Variants in DAGLB observed in about 807,000 individuals in gnomAD.
DAGLB encodes the protein diacylglycerol lipase beta.
Under a neutral mutation model 72.1 loss-of-function variants are expected in DAGLB, and 66 were observed. The observed-to-expected ratio is 0.92, with a 90% CI of 0.75 to 1.12. The LOEUF is 1.12. DAGLB is among the 50% of genes most tolerant of loss of function. The pLI is 0.00. For missense variants in DAGLB, 1,065 were observed against 884.9 expected (o/e 1.20, Z -2.58); for synonymous variants, 414 against 359.5 (o/e 1.15, Z -1.71).
At chr7:6,412,718 C>T in intron 13 of DAGLB, 93 bp downstream of exon 13, 1 of 1,370,170 alleles carries the variant, frequency 7.3e-7, no homozygotes, top group Non-Finnish European at 1.0e-6. Context: ...ATAGAGTGCC[C>T]TGCACTGAGG....
chr7:6,427,622 T>A (rs571960695), intron 6 of DAGLB, among the ~76,000 whole-genome samples: 2 of 152,108 alleles, frequency 1.3e-5, no homozygotes. Flanking sequence ...AATCTCATGA[T>A]CTTTAAAATA....
intron 1 of DAGLB, 118 bp downstream of exon 1, chr7:6,447,630 G>C: frequency 7.3e-7 from 1 of 1,374,334 alleles, no homozygotes; most frequent in South Asian, 1.5e-5. Flanking sequence ...AGGATGCGTG[G>C]CCAGCGCTGG....
In DAGLB at chr7:6,410,247, C is replaced by A. The variant is rs369940779; in HGVS notation, c.1703G>T (p.Arg568Leu). Reference sequence around the variant, plus strand: ...GGAGAAGCTGTAGGCCGGGGACCAGCGCGTCAGTAGGCTCTGCTCCCCCAG... The same window carrying A: ...GGAGAAGCTGTAGGCCGGGGACCAGAGCGTCAGTAGGCTCTGCTCCCCCAG... ...PLLGEQSLLT[R>L]WSPAYSFSSD... The change falls in exon 14 of 15, where the codon CGC (arginine) becomes CTC (leucine). Residue 568 changes from arginine to leucine, a missense_variant. Coordinates refer to ENST00000297056, the MANE Select transcript of DAGLB (RefSeq NM_139179.4). The A allele has an allele frequency of 6.2e-7, 1 of 1,612,860 alleles. No homozygotes were observed. The highest frequency in any genetic ancestry group is 8.5e-7 in the Non-Finnish European group (1 of 1,179,524).
At chr7:6,434,646 C>A in intron 4 of DAGLB, 116 bp downstream of exon 4, 1 of 1,523,732 alleles carries the variant, frequency 6.6e-7, no homozygotes, top group Non-Finnish European at 8.9e-7. Context: ...CCACCCCCCA[C>A]ACACCCAAAG....
chr7:6,446,211 GT>G, intron 1 of DAGLB, 107 bp from the exon 2 acceptor site: 1 of 1,146,368 alleles, frequency 8.7e-7, no homozygotes, highest in East Asian at 2.9e-5. Flanking sequence ...GCTCACACCT[GT>G]AATCACAGCA....
rs755335783 is a variant in DAGLB, at chr7:6,430,527, G to A, written c.882C>T (p.Tyr294=). 2.5e-6 allele frequency: 4 copies of A among 1,601,414 alleles called. No homozygotes were observed. In the South Asian group the frequency reaches 4.5e-5, roughly 18 times the overall value. The stretch of plus-strand genomic sequence containing the variant: ...GCCCCGTGAGGGGGTTTCTGTAGAT[G>A]TAGAGGGGCCACCCATAGGCCGCTG... ...FAAAAYGWPL[Y]IYRNPLTGLC... The change falls in exon 6 of 15, where the codon TAC becomes TAT. Residue 294 remains tyrosine, a synonymous_variant. Transcript: ENST00000297056.
In DAGLB at chr7:6,430,569, A is replaced by G. The variant is rs1784453414; in HGVS notation, c.840T>C (p.His280=). The change falls in exon 6 of 15, where the codon CAT becomes CAC. Residue 280 remains histidine, a synonymous_variant. Coordinates refer to ENST00000297056, the MANE Select transcript of DAGLB (RefSeq NM_139179.4). ...AGGCCGCTGCTGCAAACTGCATGTAATGATGGCAGTTTTCTAATTCTGCAT... is the reference window on the plus strand; with the variant it reads ...AGGCCGCTGCTGCAAACTGCATGTAGTGATGGCAGTTTTCTAATTCTGCAT... ...DLDAELENCH[H]YMQFAAAAYG... is the part of the protein sequence containing the mutation. 3.1e-6 allele frequency: 5 copies of G among 1,604,044 alleles called. 1 individual carries two copies. Among genetic ancestry groups the G allele is most frequent in the South Asian group, 2.2e-5 (2 of 89,626 alleles).
intron 5 of DAGLB, among the ~76,000 whole-genome samples, chr7:6,431,029 G>A (rs544068510): frequency 6.6e-6 from 1 of 152,100 alleles, no homozygotes; most frequent in Non-Finnish European, 1.5e-5. Context: ...ACCTGCCTTG[G>A]CCTCCCAAAG....
In DAGLB at chr7:6,421,815, G is replaced by A; in HGVS notation, c.1141-11C>T. 1.2e-6 allele frequency: 2 copies of A among 1,612,208 alleles called. No individual in the cohort carries two copies. The highest frequency in any genetic ancestry group is 1.7e-6 in the Non-Finnish European group (2 of 1,179,296). On this transcript the variant is annotated splice_polypyrimidine_tract_variant and intron_variant, in intron 8 of 14. Transcript: ENST00000297056. ...GTCCGTAAGGACATCCTGTAAAAAG[G>A]GCGTTGCAGAAGCGGCCGTCAGCCT... is the stretch of plus-strand genomic sequence containing the variant.
At chr7:6,416,402 G>C in intron 11 of DAGLB, 1 of 464,148 alleles carries the variant, frequency 2.2e-6, no homozygotes, top group Non-Finnish European at 3.6e-6. Flanking sequence ...AAATTAGCCG[G>C]CATGCTGGCG....
At chr7:6,445,514 T>C (rs1784970725) in intron 2 of DAGLB, among the ~76,000 whole-genome samples, 2 of 152,188 alleles carry the variant, frequency 1.3e-5, no homozygotes, top group Non-Finnish European at 2.9e-5. Context: ...ATGGGATCTC[T>C]TTCTTTCCGT....
intron 2 of DAGLB, among the ~76,000 whole-genome samples, chr7:6,445,109 T>C (rs182825042): frequency 6.6e-6 from 1 of 152,254 alleles, no homozygotes; most frequent in East Asian, 1.9e-4. Context: ...TAACACATGA[T>C]CCAGCAATTC....
chr7:6,416,413 GGT>G (rs1055485592), intron 11 of DAGLB: 44 of 512,342 alleles, frequency 8.6e-5, no homozygotes, highest in African/African-American at 8.0e-4. Context: ...CATGCTGGCG[GGT>G]GTCTGTAGTC....
Position 6,416,765 on chromosome 7 carries a change from G to C in DAGLB, c.1300-11C>G. On this transcript the variant is annotated splice_polypyrimidine_tract_variant and intron_variant, in intron 10 of 14. Transcript: ENST00000297056. ...GACCAGCCGGTACTCCTAGAGGACA[G>C]ACAGCAGAATGAGGTGAAGGGTAAA... The C allele has an allele frequency of 2.5e-6, 4 of 1,613,974 alleles. No homozygotes were observed. Among genetic ancestry groups the C allele is most frequent in the Non-Finnish European group, 3.4e-6 (4 of 1,179,898 alleles).
At chr7:6,427,633 AATAC>A (rs1784355027) in intron 6 of DAGLB, among the ~76,000 whole-genome samples, 1 of 152,274 alleles carries the variant, frequency 6.6e-6, no homozygotes, top group South Asian at 2.1e-4. Flanking sequence ...CTTTAAAATA[AATAC>A]ATAGGCGTGG....
intron 6 of DAGLB, among the ~76,000 whole-genome samples, chr7:6,426,418 C>T (rs1784311189): frequency 1.3e-5 from 2 of 152,204 alleles, no homozygotes; most frequent in Admixed American, 1.3e-4. Context: ...TACATGCGTG[C>T]ACCTCCATGC....
At chr7:6,413,768 C>T (rs1208838229) in intron 11 of DAGLB, among the ~76,000 whole-genome samples, 1 of 152,226 alleles carries the variant, frequency 6.6e-6, no homozygotes, top group Admixed American at 6.5e-5. Flanking sequence ...CAGCTCCCAA[C>T]AACGAGTCAC....
intron 2 of DAGLB, among the ~76,000 whole-genome samples, chr7:6,442,197 C>T (rs559355278): frequency 6.8e-4 from 104 of 152,222 alleles, no homozygotes; most frequent in African/African-American, 2.2e-3. Context: ...GCTTCTCTGA[C>T]GCATACTTGG....
chr7:6,420,478 G>A (rs944497493), intron 9 of DAGLB, among the ~76,000 whole-genome samples: 2 of 151,920 alleles, frequency 1.3e-5, no homozygotes, highest in African/African-American at 2.4e-5. Flanking sequence ...CTGACAAAAG[G>A]ACAAATCCTG....
Sources: allele counts gnomAD v4.1 joint callset (sites outside exome capture counted in the v4.1 genomes callset), GRCh38; gene constraint gnomAD v4.1.1; transcripts MANE v1.5; gene names NCBI Gene and HGNC (gene_info 2026-07-23, HGNC 2026-07-21).